The following LRIG2 variants were observed in gnomAD, a reference collection of about 807,000 sequenced individuals.
The protein encoded by LRIG2 is leucine rich repeats and immunoglobulin like domains 2.
A neutral mutation model predicts 107.8 loss-of-function variants in LRIG2; 93 were observed. That is an observed-to-expected ratio of 0.86 (90% CI 0.73 to 1.03). The LOEUF (loss-of-function observed/expected upper bound fraction) is 1.03, where lower values mean the gene tolerates loss of function less well. Ranked by LOEUF, LRIG2 falls within the 50% of genes least tolerant of loss-of-function variation. LRIG2 has a pLI of 0.00. For missense variants in LRIG2, 1,226 were observed against 1,296.0 expected (o/e 0.95, Z 0.83); for synonymous variants, 471 against 470.6 (o/e 1.00, Z -0.01).
At chr1:113,097,015 C>A (rs1302797549) in intron 8 of LRIG2, among the ~76,000 whole-genome samples, 2 of 152,032 alleles carry the variant, frequency 1.3e-5, no homozygotes, top group Non-Finnish European at 2.9e-5. Context: ...AGAACAAAAT[C>A]ACTTAGCTTT....
At chr1:113,117,091 G>A (rs541636824) in intron 16 of LRIG2, among the ~76,000 whole-genome samples, 21 of 152,260 alleles carry the variant, frequency 1.4e-4, no homozygotes, top group African/African-American at 4.6e-4. Context: ...ATCCCAACAC[G>A]TAGAGATGCG....
intron 12 of LRIG2, among the ~76,000 whole-genome samples, chr1:113,108,472 C>T (rs1006834777): frequency 1.9e-4 from 29 of 151,718 alleles, no homozygotes; most frequent in African/African-American, 6.8e-4. Context: ...GATCTGCCTG[C>T]CTCTGCCTCC....
intron 17 of LRIG2, among the ~76,000 whole-genome samples, chr1:113,123,422 A>G (rs918443862): frequency 2.0e-5 from 3 of 151,884 alleles, no homozygotes; most frequent in African/African-American, 7.3e-5. Flanking sequence ...TAAATATACA[A>G]AATTAGCTGG....
chr1:113,084,004 ATAAT>A (rs1182558749), intron 1 of LRIG2, among the ~76,000 whole-genome samples: 2 of 49,862 alleles, frequency 4.0e-5, no homozygotes, highest in South Asian at 1.2e-3. Context: ...AAGTATAATA[ATAAT>A]AATAATAATA....
chr1:113,127,051 T>C lies in LRIG2; in HGVS notation c.*2950T>C, dbSNP rs1042600266. ...GTTGTTTCTAGTTGTGTTCACTTTG[T>C]GCTTTCTCTGAATGGGAATATCTTC... On this transcript the variant is annotated 3_prime_UTR_variant, in exon 18 of 18. Transcript: ENST00000361127. 1 of 152,256 alleles carries C rather than the reference T, an allele frequency of 6.6e-6. No homozygotes were observed. The highest frequency in any genetic ancestry group is 3.2e-3 in the Middle Eastern group (1 of 316). The allele number at this position is 152,256 out of a possible 1,614,324, so 9.4% of individuals were successfully genotyped here.
intron 1 of LRIG2, among the ~76,000 whole-genome samples, chr1:113,077,024 A>T (rs993437360): frequency 1.3e-5 from 2 of 152,244 alleles, no homozygotes; most frequent in African/African-American, 4.8e-5. Flanking sequence ...GATAGTACCA[A>T]AACATTAAGA....
chr1:113,119,296 C>A lies in LRIG2; in HGVS notation c.2744C>A (p.Thr915Asn), dbSNP rs115632277. 1 of 1,614,050 alleles carries A rather than the reference C, an allele frequency of 6.2e-7. No individual in the cohort carries two copies. Among genetic ancestry groups the A allele is most frequent in the Admixed American group, 1.7e-5 (1 of 60,006 alleles). ...CYDNANIYSR[T>N]REYCPYTYIA... ...GACAATGCCAACATCTACTCCAGGA[C>A]CCGAGAATACTGTCCATACACCTAT... Residue 915 changes from threonine to asparagine, a missense_variant, in exon 17 of 18, where the codon ACC becomes AAC. Thr to Asn is a moderately conservative substitution (Grantham distance 65). Transcript: ENST00000361127.
chr1:113,131,153 T>G lies in LRIG2; in HGVS notation c.*7052T>G, dbSNP rs1009731661. 6.6e-6 allele frequency: 1 copy of G among 152,264 alleles called. No homozygotes were observed. Among genetic ancestry groups the G allele is most frequent in the African/African-American group, 2.4e-5 (1 of 41,440 alleles). 9.4% of individuals were successfully genotyped at this position (152,264 alleles called of 1,614,324 possible). On this transcript the variant is annotated 3_prime_UTR_variant, in exon 18 of 18. Transcript: ENST00000361127. ...TTTCACCGTGTTGCCTAGGCTGGTCTTGAACTCCTGACCTCAAGTGATCAA... is the reference window on the plus strand; with the variant it reads ...TTTCACCGTGTTGCCTAGGCTGGTCGTGAACTCCTGACCTCAAGTGATCAA...
At chr1:113,105,929 A>G (rs1320193687) in intron 11 of LRIG2, among the ~76,000 whole-genome samples, 1 of 152,170 alleles carries the variant, frequency 6.6e-6, no homozygotes, top group African/African-American at 2.4e-5. Context: ...AATTTTTTTC[A>G]TTCTTAAAAT....
intron 2 of LRIG2, 44 bp downstream of exon 2, chr1:113,091,427 G>A (rs574610767): frequency 5.5e-6 from 7 of 1,270,938 alleles, no homozygotes; most frequent in South Asian, 5.4e-5. Flanking sequence ...AATTCCTGAG[G>A]GAACTTAATA....
At position 113,096,448 on chromosome 1, in the gene LRIG2, G is replaced by A. The variant is rs989530517; in HGVS notation, c.1091+83G>A. On this transcript the variant is annotated intron_variant, in intron 8 of 17. Transcript: ENST00000361127. ...GCAAATTAATTAAAACAACTAATCAGTCTGCAAATTCTGTATGCTAACATT... is the reference window on the plus strand; with the variant it reads ...GCAAATTAATTAAAACAACTAATCAATCTGCAAATTCTGTATGCTAACATT... The A allele has an allele frequency of 4.3e-6, 6 of 1,410,954 alleles. No individual in the cohort carries two copies. The African/African-American group carries it at 8.6e-5, about 20-fold the overall frequency. 87.4% of individuals were successfully genotyped at this position (1,410,954 alleles called of 1,614,324 possible).
intron 1 of LRIG2, among the ~76,000 whole-genome samples, chr1:113,075,469 G>A (rs1295355533): frequency 1.3e-5 from 2 of 152,040 alleles, no homozygotes; most frequent in Non-Finnish European, 2.9e-5. Context: ...CTCTTTCATG[G>A]TAGTGACACC....
chr1:113,073,618 G>T lies in LRIG2; in HGVS notation c.212G>T (p.Gly71Val). 1 of 1,613,216 alleles carries T rather than the reference G, an allele frequency of 6.2e-7. No individual in the cohort carries two copies. The highest frequency in any genetic ancestry group is 8.5e-7 in the Non-Finnish European group (1 of 1,179,984). The change falls in exon 1 of 18, where the codon GGC (glycine) becomes GTC (valine). Residue 71 changes from glycine to valine, a missense_variant. Transcript: ENST00000361127. ...LPAPSWRALS[G>V]LLPPDTAILD... ...GCACCGAGCTGGAGGGCGCTGTCGG[G>T]CTTGCTGCCCCCCGACACCGCTATC...
rs1295697580 is a variant in LRIG2 at position 113,073,214 on chromosome 1, TCAGGCCGTGTGTCC to T, written c.-184_-171del. 1.0e-5 allele frequency: 6 copies of T among 593,486 alleles called. No homozygotes were observed. The highest frequency in any genetic ancestry group is 1.8e-5 in the Non-Finnish European group (6 of 332,064). 36.8% of individuals were successfully genotyped at this position (593,486 alleles called of 1,614,324 possible). On this transcript the variant is annotated 5_prime_UTR_variant, in exon 1 of 18. Coordinates refer to ENST00000361127, the MANE Select transcript of LRIG2 (RefSeq NM_014813.3). ...GGGAGGGGCGGACGAGAGGTGTCCG[TCAGGCCGTGTGTCC>T]CAGGCCGTCGACCCCGCTGTCGCGC...
At chr1:113,121,642 C>A (rs1211517182) in intron 17 of LRIG2, among the ~76,000 whole-genome samples, 1 of 151,820 alleles carries the variant, frequency 6.6e-6, no homozygotes, top group Non-Finnish European at 1.5e-5. Context: ...ACTTGGGAGG[C>A]TGAGGCAGGA....
intron 1 of LRIG2, among the ~76,000 whole-genome samples, chr1:113,082,740 A>G (rs960246674): frequency 7.9e-5 from 12 of 151,906 alleles, no homozygotes; most frequent in South Asian, 2.1e-4. Flanking sequence ...TGCAACCTCC[A>G]CCTCCCAGTT....
At chr1:113,075,014 T>G (rs1652902445) in intron 1 of LRIG2, among the ~76,000 whole-genome samples, 1 of 151,498 alleles carries the variant, frequency 6.6e-6, no homozygotes, top group Non-Finnish European at 1.5e-5. Context: ...GGTTGGGAGT[T>G]CGAGACCAAC....
In LRIG2 at chr1:113,110,486, T is replaced by C; in HGVS notation, c.1722T>C (p.Asp574=). Residue 574 remains aspartate, a synonymous_variant, in exon 13 of 18, where the codon GAT becomes GAC. Transcript: ENST00000361127. ...ILHLFNVNFT[D]EGKYQCIVTN... The stretch of plus-strand genomic sequence containing the variant: ...ATCTTTTCAATGTGAATTTCACAGA[T>C]GAAGGAAAATATCAGTGTATTGTTA... 1 of 1,613,698 alleles carries C rather than the reference T, an allele frequency of 6.2e-7. No homozygotes were observed. Among genetic ancestry groups the C allele is most frequent in the Non-Finnish European group, 8.5e-7 (1 of 1,179,528 alleles).
At chr1:113,081,000 G>A (rs746634936) in intron 1 of LRIG2, among the ~76,000 whole-genome samples, 2 of 151,672 alleles carry the variant, frequency 1.3e-5, no homozygotes, top group Non-Finnish European at 2.9e-5. Flanking sequence ...TGCACCACAC[G>A]CCTGGCTAAT....
Sources: gnomAD v4.1 joint callset for allele counts (sites outside exome capture counted in the v4.1 genomes callset) on GRCh38, gnomAD v4.1.1 for gene constraint, MANE v1.5 for transcripts, NCBI Gene and HGNC (gene_info 2026-07-23, HGNC 2026-07-21) for gene names.